SIAH1: variants seen among roughly 807,000 people sequenced by gnomAD.
The protein encoded by SIAH1 is E3 ubiquitin-protein ligase SIAH1.
Under a neutral mutation model 20.0 loss-of-function variants are expected in SIAH1, and 2 were observed. The ratio of observed to expected loss-of-function variants is 0.10; its 90% CI spans 0.04 to 0.31. SIAH1 has a LOEUF of 0.31. SIAH1 is among the 10% of genes least tolerant of loss of function. The probability of loss-of-function intolerance (pLI) is 1.00; values close to 1 mark genes in which losing one functional copy is unlikely to be tolerated. For synonymous variants in SIAH1, 118 were observed against 125.3 expected (o/e 0.94, Z 0.39); for missense variants, 119 against 355.3 (o/e 0.33, Z 5.35).
upstream of SIAH1, among the ~76,000 whole-genome samples, chr16:48,385,747 C>G (rs1406238504): frequency 1.3e-5 from 2 of 151,624 alleles, no homozygotes; most frequent in Non-Finnish European, 2.9e-5. Flanking sequence ...GGCCGCGTGA[C>G]CCCCCCGGCT....
intron 1 of SIAH1, among the ~76,000 whole-genome samples, chr16:48,381,954 G>A (rs1357622728): frequency 6.6e-6 from 1 of 152,072 alleles, no homozygotes; most frequent in Non-Finnish European, 1.5e-5. Context: ...CACGTGTAGG[G>A]GCAGGGGCTA....
intron 1 of SIAH1, among the ~76,000 whole-genome samples, chr16:48,374,404 A>G (rs1404689675): frequency 6.6e-6 from 1 of 152,230 alleles, no homozygotes; most frequent in African/African-American, 2.4e-5. Context: ...ATGCCCTAGA[A>G]TTCTATACCC....
chr16:48,371,946 C>T (rs1161151705), intron 1 of SIAH1, among the ~76,000 whole-genome samples: 1 of 152,182 alleles, frequency 6.6e-6, no homozygotes, highest in Non-Finnish European at 1.5e-5. Context: ...GTTCTACACT[C>T]TACCATATAA....
chr16:48,365,404 C>G, intron 1 of SIAH1: 1 of 1,614,020 alleles, frequency 6.2e-7, no homozygotes, highest in Non-Finnish European at 8.5e-7. Flanking sequence ...CTTCCTTGTC[C>G]TGGCCGCTGG....
intron 1 of SIAH1, among the ~76,000 whole-genome samples, chr16:48,373,326 G>A (rs1326669446): frequency 1.3e-5 from 2 of 152,128 alleles, no homozygotes; most frequent in Middle Eastern, 3.2e-3. Context: ...TGCCCCTTCA[G>A]GGGGATGGCC....
In SIAH1 at chr16:48,377,865, C is replaced by T. The variant is rs1391873293; in HGVS notation, c.-3+7339G>A. Among the ~76,000 whole-genome samples the T allele has an allele frequency of 3.3e-5, 5 of 151,866 alleles. No individual in the cohort carries two copies. In the East Asian group the frequency reaches 9.7e-4, roughly 29 times the overall value. On this transcript the variant is annotated intron_variant, in intron 1 of 1. Coordinates refer to ENST00000394725, the MANE Select transcript of SIAH1 (RefSeq NM_003031.4). ...GGCCGAGGCGGCAGGATTGCTAAAGCCTTTGAGTTTGAGACCAGCCTGGAC... is the reference window on the plus strand; with the variant it reads ...GGCCGAGGCGGCAGGATTGCTAAAGTCTTTGAGTTTGAGACCAGCCTGGAC...
chr16:48,381,261 CTTGA>C (rs1961283217), intron 1 of SIAH1, among the ~76,000 whole-genome samples: 1 of 152,148 alleles, frequency 6.6e-6, no homozygotes, highest in Non-Finnish European at 1.5e-5. Context: ...ACGAGAATCA[CTTGA>C]ACCCAGGAGG....
At chr16:48,373,499 T>C (rs554057990) in intron 1 of SIAH1, among the ~76,000 whole-genome samples, 1 of 152,322 alleles carries the variant, frequency 6.6e-6, no homozygotes, top group African/African-American at 2.4e-5. Flanking sequence ...GGAAATCTTA[T>C]TATACCTCCC....
chr16:48,368,192 C>T (rs996884423), intron 1 of SIAH1, among the ~76,000 whole-genome samples: 8 of 152,162 alleles, frequency 5.3e-5, no homozygotes, highest in Middle Eastern at 3.4e-3. Flanking sequence ...AGAACACAGA[C>T]GTGAGGGACG....
At chr16:48,373,660 ATG>A (rs2151051237) in intron 1 of SIAH1, among the ~76,000 whole-genome samples, 1 of 152,216 alleles carries the variant, frequency 6.6e-6, no homozygotes, top group East Asian at 1.9e-4. Flanking sequence ...ACCACCTAAT[ATG>A]TTCTGAGCAC....
chr16:48,380,459 C>A lies in SIAH1; in HGVS notation c.-3+4745G>T, dbSNP rs558144413. On this transcript the variant is annotated intron_variant, in intron 1 of 1. Transcript: ENST00000394725. ...GAGTAAGACTCTGTCTCCAAAAAAA[C>A]AAACAAAAAAAAAACAAAAACTCAC... Among the ~76,000 whole-genome samples, 1,272 of 148,506 alleles carry A rather than the reference C, an allele frequency of 8.6e-3. 13 individuals carry two copies. Among genetic ancestry groups the A allele is most frequent in the Non-Finnish European group, 0.011 (754 of 67,254 alleles).
chr16:48,370,805 C>CAAAAAAA (rs79073186), intron 1 of SIAH1, among the ~76,000 whole-genome samples: 3 of 125,352 alleles, frequency 2.4e-5, no homozygotes, highest in African/African-American at 8.8e-5. Context: ...GACTCCATCT[C>CAAAAAAA]AAAAAAAAAA....
chr16:48,364,513 C>T (rs1960750820), intron 1 of SIAH1, among the ~76,000 whole-genome samples: 2 of 152,174 alleles, frequency 1.3e-5, no homozygotes, highest in Admixed American at 6.5e-5. Context: ...TGTGTCTCAT[C>T]ATATGGACTC....
chr16:48,377,390 C>CTTTT (rs774317002), intron 1 of SIAH1, among the ~76,000 whole-genome samples: 3 of 132,104 alleles, frequency 2.3e-5, no homozygotes, highest in African/African-American at 8.5e-5. Flanking sequence ...TTCTGGAAGA[C>CTTTT]TTTTTTTTTT....
intron 1 of SIAH1, chr16:48,365,887 C>A: frequency 8.1e-7 from 1 of 1,235,676 alleles, no homozygotes; most frequent in Non-Finnish European, 1.0e-6. Context: ...AGAGTTACTG[C>A]AGGAGCCTGC....
chr16:48,369,222 T>C (rs1184792436), intron 1 of SIAH1, among the ~76,000 whole-genome samples: 1 of 152,238 alleles, frequency 6.6e-6, no homozygotes, highest in African/African-American at 2.4e-5. Flanking sequence ...ATGTTTTTCC[T>C]AAAACCTCCA....
chr16:48,365,074 G>GTAT (rs1245580380), intron 1 of SIAH1: 2 of 280,612 alleles, frequency 7.1e-6, no homozygotes, highest in East Asian at 1.3e-4. Flanking sequence ...GGGAACGGAG[G>GTAT]TATTACAGGA....
upstream of SIAH1, among the ~76,000 whole-genome samples, chr16:48,385,999 A>G (rs913254694): frequency 6.6e-6 from 1 of 152,182 alleles, no homozygotes; most frequent in East Asian, 1.9e-4. Flanking sequence ...CGAGCTTCAA[A>G]AGCTTGTTTC....
In SIAH1 at chr16:48,361,404, A is replaced by G. The variant is rs1960588236; in HGVS notation, c.*176T>C. The G allele has an allele frequency of 3.3e-6, 2 of 604,114 alleles. No homozygotes were observed. The allele number at this position is 604,114 out of a possible 1,614,324, so 37.4% of individuals were successfully genotyped here. Reference sequence around the variant, plus strand: ...GTTTACTGTTGACTTATTTTTAAATATATTAGTGTTACTACATGCAACTGT... The same window carrying G: ...GTTTACTGTTGACTTATTTTTAAATGTATTAGTGTTACTACATGCAACTGT... On this transcript the variant is annotated 3_prime_UTR_variant, in exon 2 of 2. Coordinates refer to ENST00000394725, the MANE Select transcript of SIAH1 (RefSeq NM_003031.4).
Sources: gnomAD v4.1 joint callset for allele counts (sites outside exome capture counted in the v4.1 genomes callset) on GRCh38, gnomAD v4.1.1 for gene constraint, MANE v1.5 for transcripts, NCBI Gene and HGNC (gene_info 2026-07-23, HGNC 2026-07-21) for gene names.